COL25A1: variants seen among roughly 807,000 people sequenced by gnomAD.
The protein encoded by COL25A1 is collagen alpha-1(XXV) chain.
A neutral mutation model predicts 128.4 loss-of-function variants in COL25A1; 103 were observed. That is an observed-to-expected ratio of 0.80 (90% CI 0.68 to 0.94). The LOEUF (loss-of-function observed/expected upper bound fraction) is 0.94. Among genes scored for constraint, COL25A1 ranks in the 40% least tolerant of loss-of-function variants. The pLI is 0.00. For missense variants in COL25A1, 745 were observed against 840.0 expected, an observed-to-expected ratio of 0.89 and a Z score of 1.40; for synonymous variants, 279 against 277.2, an observed-to-expected ratio of 1.01 and a Z score of -0.06.
chr4:109,280,709 A>G (rs908385880), intron 3 of COL25A1, among the ~76,000 whole-genome samples: 2 of 151,806 alleles, frequency 1.3e-5, no homozygotes, highest in African/African-American at 4.8e-5. Context: ...CTGGAGCGCA[A>G]TGGCAAGATC....
intron 3 of COL25A1, among the ~76,000 whole-genome samples, chr4:109,287,737 C>G (rs1269913546): frequency 6.6e-6 from 1 of 152,164 alleles, no homozygotes. Flanking sequence ...TGCCAGAATC[C>G]AAGTTGCCTC....
intron 3 of COL25A1, among the ~76,000 whole-genome samples, chr4:109,101,587 C>T (rs1175315571): frequency 6.6e-6 from 1 of 152,198 alleles, no homozygotes; most frequent in Non-Finnish European, 1.5e-5. Context: ...TTTGCAGAAG[C>T]TAATCCAATC....
chr4:108,884,180 T>G lies in COL25A1; in HGVS notation c.1018A>C (p.Lys340Gln). 1 of 1,613,790 alleles carries G rather than the reference T, an allele frequency of 6.2e-7. No homozygotes were observed. The highest frequency in any genetic ancestry group is 8.5e-7 in the Non-Finnish European group (1 of 1,179,784). ...LPGLPGLPGIKGEPGFIGPQG... is the reference protein window; with the variant it reads ...LPGLPGLPGIQGEPGFIGPQG... ...GAGACTGTCCGTGCAGTATTTACCT[T>G]TATCCCCGGAAGTCCAGGAAGCCCA... The change falls in exon 19 of 38, where the codon AAG (lysine) becomes CAG (glutamine). Residue 340 changes from lysine (K) to glutamine (Q), a missense_variant and splice_region_variant. Physicochemically the swap from Lys to Gln is moderately conservative, Grantham distance 53 (BLOSUM62 1). Coordinates refer to ENST00000399132, the MANE Select transcript of COL25A1 (RefSeq NM_198721.4).
rs550628718 is a variant in COL25A1 at position 109,169,393 on chromosome 4, A to G, written c.368-119214T>C. Among the ~76,000 whole-genome samples the G allele has an allele frequency of 2.6e-5, 4 of 152,174 alleles. No homozygotes were observed. In the South Asian group the frequency reaches 8.3e-4, roughly 31 times the overall value. ...GACACTTATTTGTGTGTCTTATGAT[A>G]TGACTCATATTTGTGTGTATTCCCT... On this transcript the variant is annotated intron_variant, in intron 3 of 37. Transcript: ENST00000399132.
At chr4:109,171,829 G>A (rs960705432) in intron 3 of COL25A1, among the ~76,000 whole-genome samples, 20 of 152,138 alleles carry the variant, frequency 1.3e-4, no homozygotes, top group African/African-American at 3.1e-4. Flanking sequence ...GACACTTCTC[G>A]CATGAGCCCT....
intron 19 of COL25A1, among the ~76,000 whole-genome samples, chr4:108,882,560 C>T (rs986535395): frequency 2.6e-5 from 4 of 151,996 alleles, no homozygotes; most frequent in African/African-American, 9.7e-5. Flanking sequence ...ATGATCTTCC[C>T]ATTATTTGTA....
At chr4:108,852,992 T>G in intron 24 of COL25A1, 67 bp from the exon 25 acceptor site, 1 of 1,402,150 alleles carries the variant, frequency 7.1e-7, no homozygotes, top group East Asian at 2.3e-5. Flanking sequence ...AGTAATACAT[T>G]TGTGAAATAA....
chr4:109,004,623 A>C (rs1342505234), intron 6 of COL25A1, among the ~76,000 whole-genome samples: 1 of 152,066 alleles, frequency 6.6e-6, no homozygotes, highest in African/African-American at 2.4e-5. Flanking sequence ...GCTGTCCTCA[A>C]GATAGTAAAT....
chr4:109,128,160 T>C (rs1341865198), intron 3 of COL25A1, among the ~76,000 whole-genome samples: 2 of 152,124 alleles, frequency 1.3e-5, no homozygotes, highest in African/African-American at 2.4e-5. Context: ...TTTGGTTCCT[T>C]TGTAGAAACT....
At chr4:109,048,083 G>A (rs1326170864) in intron 5 of COL25A1, 85 bp downstream of exon 5, 3 of 1,392,448 alleles carry the variant, frequency 2.2e-6, no homozygotes, top group African/African-American at 1.4e-5. Context: ...TAGACATAGA[G>A]ACTATATTTT....
intron 3 of COL25A1, among the ~76,000 whole-genome samples, chr4:109,105,700 T>C (rs1766364054): frequency 6.6e-6 from 1 of 152,188 alleles, no homozygotes; most frequent in Non-Finnish European, 1.5e-5. Context: ...TTCCTGGTTT[T>C]AAAGAGTGTA....
intron 3 of COL25A1, among the ~76,000 whole-genome samples, chr4:109,187,246 C>CTT (rs201334775): frequency 2.1e-5 from 3 of 143,704 alleles, no homozygotes; most frequent in South Asian, 4.9e-4. Flanking sequence ...ACTTTTCCAT[C>CTT]TTCTTCTCAA....
intron 3 of COL25A1, among the ~76,000 whole-genome samples, chr4:109,254,545 G>A (rs1456266673): frequency 1.5e-5 from 2 of 130,230 alleles, no homozygotes; most frequent in African/African-American, 2.9e-5. Context: ...ATCTGTTCAT[G>A]TGTAATATAT....
At chr4:108,922,874 T>C (rs1423576054) in intron 11 of COL25A1, among the ~76,000 whole-genome samples, 1 of 152,200 alleles carries the variant, frequency 6.6e-6, no homozygotes, top group Non-Finnish European at 1.5e-5. Context: ...CAAGAATATA[T>C]TCAGTTACCA....
intron 6 of COL25A1, among the ~76,000 whole-genome samples, chr4:108,989,403 G>A (rs1201159511): frequency 2.0e-5 from 3 of 152,070 alleles, no homozygotes; most frequent in Admixed American, 2.0e-4. Context: ...AGGTTGCCAC[G>A]TAAGAAGTTT....
At chr4:109,264,712 A>T (rs1420662429) in intron 3 of COL25A1, among the ~76,000 whole-genome samples, 1 of 152,222 alleles carries the variant, frequency 6.6e-6, no homozygotes, top group Admixed American at 6.5e-5. Flanking sequence ...CCAACTACAG[A>T]TCAGGCCCAC....
At position 109,259,162 on chromosome 4, in the gene COL25A1, G is replaced by A. The variant is rs563324399; in HGVS notation, c.367+41421C>T. On this transcript the variant is annotated intron_variant, in intron 3 of 37. Transcript: ENST00000399132. ...TTAGTACTGCACCTTACATAAAGGAGGCCTATAAAGATTTCTGTGCGGAGA... is the reference window on the plus strand; with the variant it reads ...TTAGTACTGCACCTTACATAAAGGAAGCCTATAAAGATTTCTGTGCGGAGA... 8.5e-5 allele frequency among the ~76,000 whole-genome samples: 13 copies of A among 152,114 alleles called. No individual in the cohort carries two copies. In the South Asian group the frequency reaches 2.7e-3, roughly 32 times the overall value.
chr4:108,822,042 A>ATTTTTTTTTTTTTTTTT (rs1731823432), intron 35 of COL25A1, among the ~76,000 whole-genome samples: 1 of 12,488 alleles, frequency 8.0e-5, no homozygotes, highest in Non-Finnish European at 1.4e-4. Context: ...TCCTAATGGT[A>ATTTTTTTTTTTTTTTTT]ATTTTTTTTT....
intron 3 of COL25A1, among the ~76,000 whole-genome samples, chr4:109,069,127 TA>T (rs1285196420): frequency 1.3e-5 from 2 of 151,350 alleles, no homozygotes; most frequent in East Asian, 1.9e-4. Context: ...TTTTAAACTT[TA>T]AAAATTTTTT....
Sources: allele counts gnomAD v4.1 joint callset (sites outside exome capture counted in the v4.1 genomes callset), GRCh38; gene constraint gnomAD v4.1.1; transcripts MANE v1.5; gene names NCBI Gene and HGNC (gene_info 2026-07-23, HGNC 2026-07-21).